VCP: variants seen among roughly 807,000 people sequenced by gnomAD.
The protein encoded by VCP is transitional endoplasmic reticulum ATPase.
VCP carries 6 observed loss-of-function variants against 85.7 expected under a neutral mutation model. The ratio of observed to expected loss-of-function variants is 0.07; its 90% CI spans 0.04 to 0.14. VCP has a LOEUF of 0.14. VCP is among the 10% of genes least tolerant of loss of function. The probability of loss-of-function intolerance (pLI) is 1.00; values close to 1 mark genes in which losing one functional copy is unlikely to be tolerated. For missense variants in VCP, 353 were observed against 1,043.4 expected (o/e 0.34, Z 9.12); for synonymous variants, 384 against 367.1 (o/e 1.05, Z -0.53).
At chr9:35,057,988 A>T (rs561845312) in intron 15 of VCP, among the ~76,000 whole-genome samples, 2 of 152,356 alleles carry the variant, frequency 1.3e-5, no homozygotes, top group South Asian at 4.1e-4. Context: ...TTTGGATTAC[A>T]TCCTACCTAG....
At chr9:35,071,811 G>C in intron 1 of VCP, 4 of 989,346 alleles carry the variant, frequency 4.0e-6, no homozygotes, top group Non-Finnish European at 4.8e-6. Context: ...CCCTGAGCTC[G>C]GCGGGCCTTC....
intron 4 of VCP, 31 bp downstream of exon 4, chr9:35,066,644 A>G (rs1181914442): frequency 6.8e-6 from 11 of 1,613,218 alleles, no homozygotes; most frequent in Non-Finnish European, 9.3e-6. Context: ...CCCTACAGTC[A>G]ATAATCCTTA....
chr9:35,063,443 G>A (rs1023709884), intron 6 of VCP, among the ~76,000 whole-genome samples: 22 of 152,192 alleles, frequency 1.4e-4, no homozygotes, highest in Non-Finnish European at 2.5e-4. Context: ...AGCCATTTAA[G>A]AGAGCAGGGT....
rs776702699 is a variant in VCP, at chr9:35,061,592, A to G, written c.1179T>C (p.Asp393=). Residue 393 remains aspartate, a synonymous_variant, in exon 10 of 17, where the codon GAT becomes GAC. Coordinates refer to ENST00000358901, the MANE Select transcript of VCP (RefSeq NM_007126.5). The part of the protein sequence containing the change: ...IHTKNMKLAD[D]VDLEQVANET... ...ATCACTTCACCTGTTCCAGGTCCAC[A>G]TCATCTGCCAGCTTCATGTTCTTGG... 1.2e-5 allele frequency: 19 copies of G among 1,614,020 alleles called. No individual in the cohort carries two copies. The South Asian group carries it at 2.0e-4, about 17-fold the overall frequency.
chr9:35,066,941 C>T (rs532631850), intron 3 of VCP, 124 bp from the exon 4 acceptor site: 12 of 1,481,192 alleles, frequency 8.1e-6, no homozygotes, highest in Admixed American at 3.4e-5. Flanking sequence ...TGGCTTTAGG[C>T]GAAGAGAGGA....
At position 35,056,293 on chromosome 9, in the gene VCP, C is replaced by T. The variant is rs1170475080; in HGVS notation, c.*824G>A. 1.3e-5 allele frequency: 2 copies of T among 152,278 alleles called. No homozygotes were observed. The highest frequency in any genetic ancestry group is 2.4e-5 in the African/African-American group (1 of 41,434). 9.4% of individuals were successfully genotyped at this position (152,278 alleles called of 1,614,324 possible). A position where few individuals can be genotyped will look rare whatever the true frequency, so the allele number is the denominator to read the frequency against. The stretch of plus-strand genomic sequence containing the variant: ...AGGATAAGGGATCCTGCAGGCCTAG[C>T]CTTACCGTCCACATCAAATATAGGT... On this transcript the variant is annotated 3_prime_UTR_variant, in exon 17 of 17. Transcript: ENST00000358901.
chr9:35,064,084 G>C, intron 6 of VCP, 70 bp downstream of exon 6: 1 of 1,607,176 alleles, frequency 6.2e-7, no homozygotes, highest in Non-Finnish European at 8.5e-7. Context: ...ACAGTCCCAG[G>C]ATTAGACATT....
At position 35,065,160 on chromosome 9, in the gene VCP, AG is replaced by A. The variant is rs573420693; in HGVS notation, c.576+90del. On this transcript the variant is annotated intron_variant, in intron 5 of 16. Transcript: ENST00000358901. ...TGGGATTACAGGTGTCAGCCACCGCAGCCGGCCGAGCACCCAGTCCTGACAG... is the reference window on the plus strand; with the variant it reads ...TGGGATTACAGGTGTCAGCCACCGCACCGGCCGAGCACCCAGTCCTGACAG... 291 of 1,595,222 alleles carry A rather than the reference AG, an allele frequency of 1.8e-4. No individual in the cohort carries two copies. In the African/African-American group the frequency reaches 3.6e-3, roughly 20 times the overall value.
At chr9:35,064,341 C>G (rs909607942) in intron 5 of VCP, 56 bp from the exon 6 acceptor site, 2 of 1,606,408 alleles carry the variant, frequency 1.2e-6, no homozygotes, top group East Asian at 2.2e-5. Context: ...TCAGCAAAAG[C>G]TGAGTTTCTC....
chr9:35,060,439 C>G lies in VCP; in HGVS notation c.1569G>C (p.Gly523=), dbSNP rs748378458. ...GVLFYGPPGC[G]KTLLAKAIAN... The stretch of plus-strand genomic sequence containing the variant: ...CAATGGCTTTGGCCAACAAAGTTTT[C>G]CCACAGCCAGGAGGTCCATAGAACA... Residue 523 remains glycine (G), a synonymous_variant, in exon 13 of 17, where the codon GGG becomes GGC. Transcript: ENST00000358901. 1.2e-5 allele frequency: 20 copies of G among 1,614,220 alleles called. No homozygotes were observed. Among genetic ancestry groups the G allele is most frequent in the Admixed American group, 1.7e-5 (1 of 60,026 alleles).
At chr9:35,065,409 TTA>T in intron 4 of VCP, 28 bp from the exon 5 acceptor site, 1 of 1,613,794 alleles carries the variant, frequency 6.2e-7, no homozygotes, top group Non-Finnish European at 8.5e-7. Context: ...ACAAGCACAG[TTA>T]GAGGTGTCAA....
chr9:35,071,747 G>C, intron 1 of VCP: 1 of 989,784 alleles, frequency 1.0e-6, no homozygotes, highest in African/African-American at 1.7e-5. Flanking sequence ...CACACACAGA[G>C]GATGCCCACC....
chr9:35,072,282 G>A (rs1458805250), intron 1 of VCP, 55 bp downstream of exon 1: 3 of 1,485,668 alleles, frequency 2.0e-6, no homozygotes, highest in African/African-American at 1.5e-5. Context: ...CCTACCCTGC[G>A]CGGCTGGTCC....
intron 12 of VCP, 74 bp downstream of exon 12, chr9:35,060,727 T>A: frequency 6.2e-7 from 1 of 1,612,630 alleles, no homozygotes; most frequent in Non-Finnish European, 8.5e-7. Context: ...AGCAAATGTG[T>A]TGACACCCTG....
rs1193071676 is a variant in VCP, at chr9:35,058,967, T to A, written c.2160+97A>T. 5 of 1,540,202 alleles carry A rather than the reference T, an allele frequency of 3.2e-6. No homozygotes were observed. The East Asian group carries it at 9.0e-5, about 28-fold the overall frequency. ...ATTAAAATTCTTCTCAGTTAGATGA[T>A]CTTTCCAACAGCTTCTACTCTCAAC... On this transcript the variant is annotated intron_variant, in intron 15 of 16. Coordinates refer to ENST00000358901, the MANE Select transcript of VCP (RefSeq NM_007126.5).
intron 1 of VCP, chr9:35,071,798 C>G (rs2131045998): frequency 1.0e-6 from 1 of 988,910 alleles, no homozygotes; most frequent in South Asian, 4.5e-5. Flanking sequence ...CGGCTGTGAG[C>G]TTCCCTGAGC....
At chr9:35,062,180 T>C in intron 8 of VCP, 37 bp downstream of exon 8, 3 of 1,614,128 alleles carry the variant, frequency 1.9e-6, no homozygotes, top group Non-Finnish European at 2.5e-6. Flanking sequence ...AGTCAGGGCC[T>C]TTCAACCCCC....
intron 5 of VCP, 147 bp downstream of exon 5, chr9:35,065,104 G>C (rs1828801190): frequency 5.0e-6 from 6 of 1,203,410 alleles, no homozygotes; most frequent in Non-Finnish European, 7.2e-6. Context: ...CTGACCTCAA[G>C]TGATCTGCCC....
Position 35,068,307 on chromosome 9 carries a change from G to A in VCP, c.73C>T (p.Arg25Trp), listed in dbSNP as rs920962883. The A allele has an allele frequency of 4.3e-6, 7 of 1,614,036 alleles. No individual in the cohort carries two copies. Among genetic ancestry groups the A allele is most frequent in the Admixed American group, 3.3e-5 (2 of 60,004 alleles). The part of the protein sequence containing the change: ...AILKQKNRPN[R>W]LIVDEAINED... ...TTGATGGCTTCATCAACAATTAACC[G>A]ATTGGGACGGTTCTTCTGTTTGAGA... Residue 25 changes from arginine (R) to tryptophan (W), a missense_variant, in exon 2 of 17, where the codon CGG becomes TGG. Physicochemically the swap from Arg to Trp is moderately radical, Grantham distance 101. Around this residue, in one of 8 missense-constraint regions of VCP, gnomAD observed 69 missense variants for 132.9 expected, o/e 0.52. Coordinates refer to ENST00000358901, the MANE Select transcript of VCP (RefSeq NM_007126.5).
Sources: gnomAD v4.1 joint callset for allele counts (sites outside exome capture counted in the v4.1 genomes callset) on GRCh38, gnomAD v4.1.1 for gene constraint, gnomAD v4.1.1 regional missense constraint, MANE v1.5 for transcripts, NCBI Gene and HGNC (gene_info 2026-07-23, HGNC 2026-07-21) for gene names.